ASIC2: variants seen among roughly 807,000 people sequenced by gnomAD.
ASIC2 encodes the protein acid sensing ion channel subunit 2, also known as acid-sensing ion channel 2.
In ASIC2, 25 loss-of-function variants were observed where a neutral mutation model predicts 57.3. The ratio of observed to expected loss-of-function variants is 0.44; its 90% CI spans 0.32 to 0.61. The LOEUF is 0.61. ASIC2 is among the 20% of genes least tolerant of loss of function. The pLI is 0.06. For missense variants in ASIC2, 641 were observed against 738.1 expected, an observed-to-expected ratio of 0.87 and a Z score of 1.52; for synonymous variants, 319 against 307.5, an observed-to-expected ratio of 1.04 and a Z score of -0.39.
chr17:34,147,475 A>T (rs947391624), intron 1 of ASIC2, among the ~76,000 whole-genome samples: 1 of 152,202 alleles, frequency 6.6e-6, no homozygotes, highest in Non-Finnish European at 1.5e-5. Flanking sequence ...CACTTTGGGG[A>T]ATGCTGTCCT....
rs139447186 is a variant in ASIC2, at chr17:33,965,029, T to C, written c.555+190949A>G. 2.3e-3 allele frequency among the ~76,000 whole-genome samples: 349 copies of C among 152,336 alleles called. 3 individuals are homozygous for C. The highest frequency in any genetic ancestry group is 8.0e-3 in the African/African-American group (334 of 41,566). On this transcript the variant is annotated intron_variant, in intron 1 of 9. Coordinates refer to the ASIC2 transcript ENST00000359872. Reference sequence around the variant, plus strand: ...GGGAACAGGGAGTTCCAAGAGCCTCTGAATCCCACTTTCCATACTCCTTTT... The same window carrying C: ...GGGAACAGGGAGTTCCAAGAGCCTCCGAATCCCACTTTCCATACTCCTTTT...
At chr17:33,642,184 C>T (rs1291342314) in intron 1 of ASIC2, among the ~76,000 whole-genome samples, 1 of 137,404 alleles carries the variant, frequency 7.3e-6, no homozygotes. Flanking sequence ...CTATAACTCG[C>T]ACTCTAGGGG....
chr17:33,759,536 C>A (rs1382155705), intron 1 of ASIC2, among the ~76,000 whole-genome samples: 3 of 152,164 alleles, frequency 2.0e-5, no homozygotes, highest in Non-Finnish European at 4.4e-5. Context: ...AGGTTCTATT[C>A]CTCAAGACAA....
intron 1 of ASIC2, among the ~76,000 whole-genome samples, chr17:33,861,273 T>C (rs547725959): frequency 4.6e-4 from 70 of 152,348 alleles, no homozygotes; most frequent in African/African-American, 1.5e-3. Flanking sequence ...GTAGAAAATA[T>C]TTAAGGTACA....
intron 1 of ASIC2, among the ~76,000 whole-genome samples, chr17:33,374,475 C>G (rs554788942): frequency 6.6e-6 from 1 of 152,260 alleles, no homozygotes; most frequent in South Asian, 2.1e-4. Context: ...TATTTCCCAG[C>G]CCCTCTGCCC....
intron 1 of ASIC2, chr17:34,079,227 A>T (rs1168325174): frequency 6.6e-6 from 1 of 152,240 alleles, no homozygotes; most frequent in Non-Finnish European, 1.5e-5. Flanking sequence ...ATAATTTTGC[A>T]TGGAATGCAG....
chr17:33,882,509 A>T (rs1270575353), intron 1 of ASIC2, among the ~76,000 whole-genome samples: 1 of 152,240 alleles, frequency 6.6e-6, no homozygotes, highest in Non-Finnish European at 1.5e-5. Context: ...CACATGAAAA[A>T]ATGCTCATCA....
intron 1 of ASIC2, among the ~76,000 whole-genome samples, chr17:33,836,667 ACAT>A (rs1220333920): frequency 1.3e-5 from 2 of 152,010 alleles, no homozygotes; most frequent in Admixed American, 6.5e-5. Context: ...AACTTGACCA[ACAT>A]GGTGAAACGC....
intron 1 of ASIC2, among the ~76,000 whole-genome samples, chr17:33,874,548 A>G (rs1333352806): frequency 6.6e-6 from 1 of 152,234 alleles, no homozygotes; most frequent in African/African-American, 2.4e-5. Context: ...AGTTCTGATA[A>G]TGGCTTAACC....
At chr17:33,839,405 C>T (rs1192155666) in intron 1 of ASIC2, among the ~76,000 whole-genome samples, 2 of 152,226 alleles carry the variant, frequency 1.3e-5, no homozygotes, top group Admixed American at 1.3e-4. Flanking sequence ...TCCAAGACAT[C>T]TAGACAATGC....
At chr17:34,019,297 T>C (rs1028189077) in intron 1 of ASIC2, among the ~76,000 whole-genome samples, 1 of 152,176 alleles carries the variant, frequency 6.6e-6, no homozygotes, top group African/African-American at 2.4e-5. Context: ...ACTTAGTCAA[T>C]AGAGTAGCAG....
At chr17:33,773,609 C>T (rs766048639) in intron 1 of ASIC2, among the ~76,000 whole-genome samples, 23 of 151,410 alleles carry the variant, frequency 1.5e-4, no homozygotes, top group Non-Finnish European at 2.7e-4. Context: ...CCAAGATGCA[C>T]TGAATGTCTT....
At chr17:33,329,938 G>A (rs987411588) in intron 1 of ASIC2, among the ~76,000 whole-genome samples, 26 of 152,134 alleles carry the variant, frequency 1.7e-4, no homozygotes, top group African/African-American at 6.3e-4. Context: ...GGAACGGGCT[G>A]TCCTCTCACC....
intron 1 of ASIC2, among the ~76,000 whole-genome samples, chr17:33,782,213 T>G (rs141572252): frequency 6.6e-6 from 1 of 152,206 alleles, no homozygotes; most frequent in African/African-American, 2.4e-5. Flanking sequence ...TTTGTGTATG[T>G]CCAAAAACTC....
At chr17:33,383,282 A>G (rs758775690) in intron 1 of ASIC2, among the ~76,000 whole-genome samples, 30 of 152,158 alleles carry the variant, frequency 2.0e-4, no homozygotes, top group Non-Finnish European at 3.4e-4. Context: ...TTTGAGGGTG[A>G]GGCCATGTTG....
intron 1 of ASIC2, among the ~76,000 whole-genome samples, chr17:34,147,662 G>A (rs1238786740): frequency 2.6e-5 from 4 of 152,188 alleles, no homozygotes; most frequent in African/African-American, 9.7e-5. Context: ...GTTTCAAACT[G>A]GGAGGGGTGA....
rs184762075 is a variant in ASIC2, at chr17:33,233,854, A to G, written c.708+57554T>C. Among the ~76,000 whole-genome samples, 3 of 152,372 alleles carry G rather than the reference A, an allele frequency of 2.0e-5. No individual in the cohort carries two copies. In the East Asian group the frequency reaches 5.8e-4, roughly 29 times the overall value. ...TTTTATTTTATGAAGCAGATTGTCA[A>G]GAGAAACCTCCGGTGCACACGCTTA... On this transcript the variant is annotated intron_variant, in intron 1 of 9. Transcript: ENST00000225823.
intron 1 of ASIC2, among the ~76,000 whole-genome samples, chr17:33,186,899 T>C (rs1323082041): frequency 1.3e-5 from 2 of 152,232 alleles, no homozygotes; most frequent in Non-Finnish European, 1.5e-5. Flanking sequence ...TCTTTTTCTA[T>C]GCAACAACAA....
chr17:33,888,077 T>C (rs1247294878), intron 1 of ASIC2, among the ~76,000 whole-genome samples: 3 of 152,182 alleles, frequency 2.0e-5, no homozygotes, highest in Admixed American at 2.0e-4. Flanking sequence ...ATTAAATGCA[T>C]TTTTTACTTA....
Sources: allele counts gnomAD v4.1 joint callset (sites outside exome capture counted in the v4.1 genomes callset), GRCh38; gene constraint gnomAD v4.1.1; transcripts MANE v1.5; gene names NCBI Gene and HGNC (gene_info 2026-07-23, HGNC 2026-07-21).